The following ADGRB1 variants were observed in gnomAD, a reference collection of about 807,000 sequenced individuals.
ADGRB1 encodes the protein brain-specific angiogenesis inhibitor 1.
In ADGRB1, 36 loss-of-function variants were observed where a neutral mutation model predicts 175.7. The observed-to-expected ratio is 0.20, with a 90% CI of 0.16 to 0.27. ADGRB1 has a LOEUF of 0.27. Ranked by LOEUF, ADGRB1 falls within the 10% of genes least tolerant of loss-of-function variation. ADGRB1 has a pLI of 1.00. For synonymous variants in ADGRB1, 1,054 were observed against 979.4 expected (o/e 1.08, Z -1.42); for missense variants, 1,731 against 2,255.3 (o/e 0.77, Z 4.71).
rs947144403 is a variant in ADGRB1 at position 142,464,101 on chromosome 8, C to T, written c.-98C>T. 7.8e-6 allele frequency: 8 copies of T among 1,021,744 alleles called. No homozygotes were observed. The East Asian group carries it at 2.7e-4, about 34-fold the overall frequency. 63.3% of individuals were successfully genotyped at this position (1,021,744 alleles called of 1,614,324 possible). On this transcript the variant is annotated 5_prime_UTR_variant, in exon 2 of 31. Transcript: ENST00000517894. ...CCCTTGCCCCGCCTCCCTGCCCCCACCGGGCCGGCCCTGCCCGCCGCCGGA... is the reference window on the plus strand; with the variant it reads ...CCCTTGCCCCGCCTCCCTGCCCCCATCGGGCCGGCCCTGCCCGCCGCCGGA...
chr8:142,520,434 A>ATGGTGATGTGGTAGATAG (rs1843747507), intron 19 of ADGRB1, among the ~76,000 whole-genome samples: 3 of 2,252 alleles, frequency 1.3e-3, no homozygotes, highest in African/African-American at 5.0e-3. Context: ...TGATTGTATG[A>ATGGTGATGTGGTAGATAG]TGATGGTGGT....
chr8:142,458,365 C>T (rs1006350826), intron 1 of ADGRB1, among the ~76,000 whole-genome samples: 26 of 152,242 alleles, frequency 1.7e-4, no homozygotes, highest in African/African-American at 2.4e-4. Flanking sequence ...CCCAGGATGG[C>T]GGCGGGAGGC....
intron 17 of ADGRB1, among the ~76,000 whole-genome samples, chr8:142,507,656 C>T (rs1353257590): frequency 1.3e-5 from 2 of 152,198 alleles, no homozygotes; most frequent in African/African-American, 4.8e-5. Context: ...CTGGCCAGTG[C>T]GGCTGGGAAC....
intron 24 of ADGRB1, among the ~76,000 whole-genome samples, 197 bp from the exon 25 acceptor site, chr8:142,533,098 G>A (rs902636595): frequency 2.6e-5 from 4 of 152,100 alleles, no homozygotes; most frequent in Non-Finnish European, 5.9e-5. Flanking sequence ...GAGAGAGGGT[G>A]CAGACGCAGC....
At chr8:142,535,605 G>A (rs934772939) in intron 25 of ADGRB1, among the ~76,000 whole-genome samples, 3 of 152,170 alleles carry the variant, frequency 2.0e-5, no homozygotes, top group Admixed American at 6.5e-5. Context: ...CAGCCCAGCC[G>A]GCCCTGTGGC....
intron 27 of ADGRB1, among the ~76,000 whole-genome samples, chr8:142,540,559 GC>G (rs1563754755): frequency 1.3e-5 from 2 of 152,168 alleles, no homozygotes; most frequent in Non-Finnish European, 2.9e-5. Flanking sequence ...CCAGCGAGGG[GC>G]CTGGGCCTGG....
At chr8:142,534,173 A>T (rs1376630396) in intron 25 of ADGRB1, among the ~76,000 whole-genome samples, 2 of 152,212 alleles carry the variant, frequency 1.3e-5, no homozygotes, top group Admixed American at 1.3e-4. Flanking sequence ...AGTCCCAGCT[A>T]ACTGGAGACA....
intron 2 of ADGRB1, among the ~76,000 whole-genome samples, chr8:142,468,212 G>A (rs994004494): frequency 1.3e-4 from 18 of 143,534 alleles, no homozygotes; most frequent in Non-Finnish European, 2.4e-4. Context: ...GTGGGTGCGT[G>A]TGTGTGTGTG....
intron 20 of ADGRB1, 43 bp from the exon 21 acceptor site, chr8:142,521,922 G>A (rs367771117): frequency 9.1e-6 from 14 of 1,544,798 alleles, no homozygotes; most frequent in South Asian, 4.7e-5. Flanking sequence ...GTGTGGGGCC[G>A]GGGAGCACCT....
At position 142,472,819 on chromosome 8, in the gene ADGRB1, A is replaced by C. The variant is rs193006897; in HGVS notation, c.785-2655A>C. On this transcript the variant is annotated intron_variant, in intron 2 of 30. Transcript: ENST00000517894. ...CAAGGCTCAATATGTGACCAGGGTC[A>C]GGAATCAGTGTGTGACTAGAATCGA... Among the ~76,000 whole-genome samples the C allele has an allele frequency of 2.5e-3, 384 of 152,276 alleles. 1 individual carries two copies. Among genetic ancestry groups the C allele is most frequent in the African/African-American group, 8.2e-3 (341 of 41,550 alleles).
chr8:142,527,049 G>A (rs1844246836), intron 24 of ADGRB1, among the ~76,000 whole-genome samples: 1 of 152,202 alleles, frequency 6.6e-6, no homozygotes, highest in African/African-American at 2.4e-5. Context: ...GTCTTTGTGG[G>A]ACCTTCATCA....
At chr8:142,488,709 A>G (rs1841825477) in intron 14 of ADGRB1, among the ~76,000 whole-genome samples, 1 of 152,120 alleles carries the variant, frequency 6.6e-6, no homozygotes, top group African/African-American at 2.4e-5. Flanking sequence ...AGGGGTCAAG[A>G]TGAACCACCT....
intron 17 of ADGRB1, among the ~76,000 whole-genome samples, chr8:142,507,641 G>A (rs1842908541): frequency 6.6e-6 from 1 of 152,236 alleles, no homozygotes; most frequent in Admixed American, 6.5e-5. Flanking sequence ...CTGGCGCCCT[G>A]CAGACTGGCC....
chr8:142,541,929 C>T lies in ADGRB1; in HGVS notation c.3707-12C>T, dbSNP rs374519434. 36 of 1,534,882 alleles carry T rather than the reference C, an allele frequency of 2.3e-5. No individual in the cohort carries two copies. The highest frequency in any genetic ancestry group is 1.6e-4 in the African/African-American group (12 of 73,080). ...ACACCTGTCCCCGCTGTCTCCCCCG[C>T]GGCCCCTGCAGTGCTGAACAAGGAC... is the stretch of plus-strand genomic sequence containing the variant. On this transcript the variant is annotated splice_polypyrimidine_tract_variant and intron_variant, in intron 27 of 30. Coordinates refer to ENST00000517894, the MANE Select transcript of ADGRB1 (RefSeq NM_001702.3).
chr8:142,470,464 G>C (rs114985854), intron 2 of ADGRB1, among the ~76,000 whole-genome samples: 247 of 151,890 alleles, frequency 1.6e-3, no homozygotes, highest in African/African-American at 5.6e-3. Flanking sequence ...AGGAGGGACA[G>C]GGGAGCCACT....
chr8:142,527,244 G>A (rs942036256), intron 24 of ADGRB1, among the ~76,000 whole-genome samples: 3 of 152,170 alleles, frequency 2.0e-5, no homozygotes, highest in Non-Finnish European at 2.9e-5. Context: ...GCTGCGGGGC[G>A]TGGGGAGCTG....
chr8:142,479,560 C>T, intron 8 of ADGRB1, 73 bp downstream of exon 8: 1 of 1,513,786 alleles, frequency 6.6e-7, no homozygotes, highest in Non-Finnish European at 8.8e-7. Flanking sequence ...GCTCAGCTGT[C>T]ACCCACGTGG....
At chr8:142,469,579 GCA>G (rs1840518085) in intron 2 of ADGRB1, among the ~76,000 whole-genome samples, 3 of 150,974 alleles carry the variant, frequency 2.0e-5, no homozygotes, top group African/African-American at 7.3e-5. Context: ...GTGCATGTGT[GCA>G]TGTGTGAATG....
At chr8:142,479,849 A>T (rs886829675) in intron 9 of ADGRB1, 55 bp downstream of exon 9, 36 of 1,512,744 alleles carry the variant, frequency 2.4e-5, no homozygotes, top group Admixed American at 1.8e-5. Context: ...CCTCACGGTG[A>T]TGCCCACGCT....
Sources: allele counts gnomAD v4.1 joint callset (sites outside exome capture counted in the v4.1 genomes callset), GRCh38; gene constraint gnomAD v4.1.1; transcripts MANE v1.5; gene names NCBI Gene and HGNC (gene_info 2026-07-23, HGNC 2026-07-21).